AGAP1: variants seen among roughly 807,000 people sequenced by gnomAD.
AGAP1 encodes the protein ArfGAP with GTPase domain, ankyrin repeat and PH domain 1.
Under a neutral mutation model 105.3 loss-of-function variants are expected in AGAP1, and 29 were observed. The ratio of observed to expected loss-of-function variants is 0.28; its 90% CI spans 0.21 to 0.38. AGAP1 has a LOEUF of 0.38. AGAP1 is among the 10% of genes least tolerant of loss of function. AGAP1 has a pLI of 1.00. For synonymous variants in AGAP1, 509 were observed against 485.9 expected (o/e 1.05, Z -0.63); for missense variants, 998 against 1,165.1 (o/e 0.86, Z 2.09).
intron 13 of AGAP1, among the ~76,000 whole-genome samples, chr2:236,028,109 A>T (rs10929160): frequency 0.37 from 56,594 of 152,018 alleles, 10,898 homozygotes; most frequent in South Asian, 0.52. Context: ...TGTGCTTTCC[A>T]CGGTCAGCAG....
intron 9 of AGAP1, among the ~76,000 whole-genome samples, chr2:235,818,356 G>T (rs1329974574): frequency 6.6e-6 from 1 of 152,200 alleles, no homozygotes; most frequent in Admixed American, 6.5e-5. Context: ...AAATCCAGGA[G>T]TCCTCTCTGA....
intron 1 of AGAP1, among the ~76,000 whole-genome samples, chr2:235,624,863 C>A (rs1483077748): frequency 6.6e-6 from 1 of 152,098 alleles, no homozygotes; most frequent in Non-Finnish European, 1.5e-5. Context: ...TTAGTTCATG[C>A]AAATTCAATT....
intron 1 of AGAP1, among the ~76,000 whole-genome samples, chr2:235,533,033 A>G (rs1367800246): frequency 6.6e-6 from 1 of 152,202 alleles, no homozygotes; most frequent in Non-Finnish European, 1.5e-5. Context: ...GTAACTTGCT[A>G]TAGATTTTTA....
At chr2:235,826,480 TGC>T (rs1959072415) in intron 9 of AGAP1, among the ~76,000 whole-genome samples, 4 of 152,062 alleles carry the variant, frequency 2.6e-5, no homozygotes, top group African/African-American at 4.8e-5. Flanking sequence ...AGAGTCTTGC[TGC>T]TCTGTCACCC....
chr2:235,553,550 C>T lies in AGAP1; in HGVS notation c.163+58701C>T, dbSNP rs1353211217. The stretch of plus-strand genomic sequence containing the variant: ...ATCATCATTGTCAATATTAAGAAGG[C>T]GAGTCCACGCATCTCTCTGGCCTGT... On this transcript the variant is annotated intron_variant, in intron 1 of 17. Transcript: ENST00000304032. The surrounding 1 kb of genome is among the most constrained non-coding windows in gnomAD (Gnocchi z 4.5). Among the ~76,000 whole-genome samples the T allele has an allele frequency of 6.6e-6, 1 of 152,032 alleles. No individual in the cohort carries two copies. Among genetic ancestry groups the T allele is most frequent in the Non-Finnish European group, 1.5e-5 (1 of 67,996 alleles).
rs1050283610 is a variant in AGAP1, at chr2:235,967,697, C to T, written c.1484-765C>T. Among the ~76,000 whole-genome samples the T allele has an allele frequency of 1.3e-5, 2 of 152,182 alleles. No individual in the cohort carries two copies. Among genetic ancestry groups the T allele is most frequent in the Admixed American group, 1.3e-4 (2 of 15,282 alleles). ...GTTTTTCCTGCACGTTTTCAGTGGGCTTTTTTCCACCCGGCTTGAATTATA... is the reference window on the plus strand; with the variant it reads ...GTTTTTCCTGCACGTTTTCAGTGGGTTTTTTTCCACCCGGCTTGAATTATA... On this transcript the variant is annotated intron_variant, in intron 12 of 17. Coordinates refer to ENST00000304032, the MANE Select transcript of AGAP1 (RefSeq NM_001037131.3). The surrounding 1 kb of genome is among the most constrained non-coding windows in gnomAD (Gnocchi z 4.7).
rs565082248 is a variant in AGAP1, at chr2:235,502,059, TTCTGAGGG to T, written c.163+7211_163+7218del. On this transcript the variant is annotated intron_variant, in intron 1 of 17. Coordinates refer to ENST00000304032, the MANE Select transcript of AGAP1 (RefSeq NM_001037131.3). ...CCCTGGCCTTCTGGAAGCTCTGTGC[TTCTGAGGG>T]GCTGAGGGGGATTTGGGGGTCCCTT... 3.9e-3 allele frequency among the ~76,000 whole-genome samples: 600 copies of T among 152,298 alleles called. 1 individual carries two copies. The highest frequency in any genetic ancestry group is 6.8e-3 in the Middle Eastern group (2 of 294).
chr2:235,807,495 A>G (rs1957897262), intron 9 of AGAP1, among the ~76,000 whole-genome samples, 164 bp downstream of exon 9: 1 of 152,246 alleles, frequency 6.6e-6, no homozygotes, highest in Non-Finnish European at 1.5e-5. Context: ...TGTGTATTCA[A>G]ATGGGATCAT....
rs2051053487 is a variant in AGAP1 at position 235,901,302 on chromosome 2, AAGTG to A, written c.1156-7433_1156-7430del. On this transcript the variant is annotated intron_variant, in intron 10 of 17. Coordinates refer to ENST00000304032, the MANE Select transcript of AGAP1 (RefSeq NM_001037131.3). The surrounding 1 kb of genome is among the most constrained non-coding windows in gnomAD (Gnocchi z 4.3). Reference sequence around the variant, plus strand: ...CATACTTTTTTTTTTTTGAGCCCAGAAGTGAGGCTTTTTAAAAATAGAACTTCAC... The same window carrying A: ...CATACTTTTTTTTTTTTGAGCCCAGAAGGCTTTTTAAAAATAGAACTTCAC... Among the ~76,000 whole-genome samples the A allele has an allele frequency of 6.6e-6, 1 of 151,976 alleles. No individual in the cohort carries two copies. Among genetic ancestry groups the A allele is most frequent in the Non-Finnish European group, 1.5e-5 (1 of 67,998 alleles).
At chr2:235,683,375 C>T (rs577964549) in intron 1 of AGAP1, among the ~76,000 whole-genome samples, 2 of 151,926 alleles carry the variant, frequency 1.3e-5, no homozygotes, top group African/African-American at 2.4e-5. Flanking sequence ...ATTTTAGATA[C>T]CATTGTTTTA....
In AGAP1 at chr2:236,124,377, G is replaced by A. The variant is rs1054639565; in HGVS notation, c.*255G>A. 3.7e-5 allele frequency: 20 copies of A among 544,632 alleles called. No homozygotes were observed. Among genetic ancestry groups the A allele is most frequent in the East Asian group, 9.6e-5 (3 of 31,404 alleles). 33.7% of individuals were successfully genotyped at this position (544,632 alleles called of 1,614,324 possible). A position where few individuals can be genotyped will look rare whatever the true frequency, so the allele number is the denominator to read the frequency against. On this transcript the variant is annotated 3_prime_UTR_variant, in exon 18 of 18. Transcript: ENST00000304032. The surrounding 1 kb of genome is among the most constrained non-coding windows in gnomAD (Gnocchi z 5.1). ...CCCTAAACCACACACAGGAGAGAGC[G>A]ACGGGCCTCGGCCCTTTGATGATAG...
In AGAP1 at chr2:235,875,304, G is replaced by A. The variant is rs892979311; in HGVS notation, c.1051-8041G>A. On this transcript the variant is annotated intron_variant, in intron 9 of 17. Transcript: ENST00000304032. This position sits in a 1 kb window ranked among gnomAD's most constrained non-coding sequence, Gnocchi z 4.0. ...AATAAAATCGATGGTATTTTAAATTGTTGGGATGAACAAGCACTTTGGGTT... is the reference window on the plus strand; with the variant it reads ...AATAAAATCGATGGTATTTTAAATTATTGGGATGAACAAGCACTTTGGGTT... Among the ~76,000 whole-genome samples the A allele has an allele frequency of 1.3e-5, 2 of 152,190 alleles. No individual in the cohort carries two copies. The highest frequency in any genetic ancestry group is 2.9e-5 in the Non-Finnish European group (2 of 68,038).
Position 235,637,564 on chromosome 2 carries a change from G to A in AGAP1, c.164-71615G>A, listed in dbSNP as rs1158077325. Reference sequence around the variant, plus strand: ...CCTGAGTAGCTGGGATTACAGGTATGAGCCACCGTGCTCGGCCTTCATTAT... The same window carrying A: ...CCTGAGTAGCTGGGATTACAGGTATAAGCCACCGTGCTCGGCCTTCATTAT... On this transcript the variant is annotated intron_variant, in intron 1 of 17. Transcript: ENST00000304032. Among the ~76,000 whole-genome samples, 4 of 152,076 alleles carry A rather than the reference G, an allele frequency of 2.6e-5. No individual in the cohort carries two copies. In the East Asian group the frequency reaches 7.7e-4, roughly 29 times the overall value.
intron 12 of AGAP1, among the ~76,000 whole-genome samples, chr2:235,948,843 C>A (rs931721583): frequency 6.6e-6 from 1 of 152,118 alleles, no homozygotes. Flanking sequence ...CGGGAAGACC[C>A]AATTCAATAC....
intron 1 of AGAP1, among the ~76,000 whole-genome samples, chr2:235,522,451 T>C (rs10191920): frequency 0.059 from 9,012 of 151,658 alleles, 819 homozygotes; most frequent in African/African-American, 0.19. Flanking sequence ...ATAGGAGGCG[T>C]GATGGTGGTG....
chr2:235,682,099 T>C (rs1416815537), intron 1 of AGAP1, among the ~76,000 whole-genome samples: 8 of 151,788 alleles, frequency 5.3e-5, no homozygotes, highest in Non-Finnish European at 1.0e-4. Flanking sequence ...GATCCACGCA[T>C]CTTGGCCTCC....
intron 1 of AGAP1, among the ~76,000 whole-genome samples, chr2:235,519,905 C>A (rs967132467): frequency 2.6e-5 from 4 of 152,156 alleles, no homozygotes; most frequent in Non-Finnish European, 5.9e-5. Flanking sequence ...GCCTCAGCCT[C>A]CTGAGTAGCT....
chr2:235,594,660 C>T (rs1945459251), intron 1 of AGAP1, among the ~76,000 whole-genome samples: 2 of 152,118 alleles, frequency 1.3e-5, no homozygotes, highest in African/African-American at 4.8e-5. Context: ...CTGCAACCTC[C>T]ATCTTCCGGG....
intron 9 of AGAP1, among the ~76,000 whole-genome samples, chr2:235,868,142 A>G (rs943499337): frequency 2.6e-5 from 4 of 151,548 alleles, no homozygotes; most frequent in African/African-American, 9.7e-5. Flanking sequence ...AAGACACTAA[A>G]TGAGCTATTA....
Sources: gnomAD v4.1 joint callset for allele counts (sites outside exome capture counted in the v4.1 genomes callset) on GRCh38, gnomAD v4.1.1 for gene constraint, Gnocchi (gnomAD v3.1) non-coding constraint, MANE v1.5 for transcripts, NCBI Gene and HGNC (gene_info 2026-07-23, HGNC 2026-07-21) for gene names.